Variants in RADIL observed in about 807,000 individuals in gnomAD.
RADIL encodes ras-associating and dilute domain-containing protein.
In RADIL, 99 loss-of-function variants were observed where a neutral mutation model predicts 97.6. The observed-to-expected ratio is 1.01, with a 90% CI of 0.86 to 1.20. The LOEUF is 1.20. Ranked by LOEUF, RADIL falls within the 50% of genes most tolerant of loss-of-function variation. The probability of loss-of-function intolerance (pLI) is 0.00; values close to 1 mark genes in which losing one functional copy is unlikely to be tolerated. For missense variants in RADIL, 1,765 were observed against 1,498.9 expected (o/e 1.18, Z -2.93); for synonymous variants, 803 against 691.8 (o/e 1.16, Z -2.52).
chr7:4,838,050 G>A, intron 2 of RADIL: 1 of 985,476 alleles, frequency 1.0e-6, no homozygotes, highest in Non-Finnish European at 1.2e-6. Flanking sequence ...CCGGCAGCCT[G>A]TGCATCTGCA....
intron 2 of RADIL, among the ~76,000 whole-genome samples, chr7:4,874,877 G>A (rs1420932260): frequency 2.6e-5 from 4 of 152,072 alleles, no homozygotes; most frequent in African/African-American, 9.7e-5. Flanking sequence ...GGCCAACATG[G>A]TGAAACCCCA....
chr7:4,874,097 CA>C (rs1158654907), intron 2 of RADIL, among the ~76,000 whole-genome samples: 2 of 152,232 alleles, frequency 1.3e-5, no homozygotes, highest in Non-Finnish European at 2.9e-5. Flanking sequence ...AGAGACCTCT[CA>C]GAGGCGGGTT....
intron 9 of RADIL, chr7:4,806,049 G>A: frequency 1.0e-6 from 1 of 985,474 alleles, no homozygotes; most frequent in Non-Finnish European, 1.2e-6. Context: ...TCAGATTCCT[G>A]CCTCCAACGG....
rs1314554620 is a variant in RADIL at position 4,883,014 on chromosome 7, G to A, written c.-65+582C>T. Reference sequence around the variant, plus strand: ...CGGCTCAGCATCTGTTATCTTGGATGCAGTATTTGTCGAGGGGCTGGAAAT... The same window carrying A: ...CGGCTCAGCATCTGTTATCTTGGATACAGTATTTGTCGAGGGGCTGGAAAT... On this transcript the variant is annotated intron_variant, in intron 1 of 14. Transcript: ENST00000399583. The surrounding 1 kb of genome is among the most constrained non-coding windows in gnomAD (Gnocchi z 7.1). Among the ~76,000 whole-genome samples, 4 of 152,350 alleles carry A rather than the reference G, an allele frequency of 2.6e-5. No homozygotes were observed. The East Asian group carries it at 5.8e-4, about 22-fold the overall frequency.
intron 5 of RADIL, among the ~76,000 whole-genome samples, chr7:4,825,770 G>A (rs549097171): frequency 2.6e-5 from 4 of 151,890 alleles, no homozygotes; most frequent in Admixed American, 1.3e-4. Flanking sequence ...CAGCTACTCA[G>A]GAGGCTGAGG....
At chr7:4,806,298 C>T (rs1259579537) in intron 9 of RADIL, among the ~76,000 whole-genome samples, 1 of 152,110 alleles carries the variant, frequency 6.6e-6, no homozygotes, top group Non-Finnish European at 1.5e-5. Context: ...CACAGGCTTG[C>T]ACCATTATGT....
At chr7:4,802,616 G>C (rs1305589826) in intron 11 of RADIL, among the ~76,000 whole-genome samples, 5 of 129,580 alleles carry the variant, frequency 3.9e-5, no homozygotes, top group African/African-American at 1.4e-4. Flanking sequence ...GTACCTCGGG[G>C]CATGCTGGCT....
chr7:4,861,871 C>T (rs1206057971), intron 2 of RADIL: 1 of 1,214,398 alleles, frequency 8.2e-7, no homozygotes, highest in East Asian at 2.7e-5. Context: ...CGGCCGCCGC[C>T]CGGGTCATGA....
At chr7:4,855,492 G>A (rs1239213030) in intron 2 of RADIL, among the ~76,000 whole-genome samples, 2 of 151,988 alleles carry the variant, frequency 1.3e-5, no homozygotes, top group African/African-American at 4.8e-5. Context: ...AACTGTGCTA[G>A]ATAAGACCAA....
chr7:4,861,031 A>G, intron 2 of RADIL: 1 of 1,614,236 alleles, frequency 6.2e-7, no homozygotes, highest in Non-Finnish European at 8.5e-7. Context: ...CATTTGGATA[A>G]AGCTGACAAG....
chr7:4,804,567 G>A (rs1461594152), intron 10 of RADIL, among the ~76,000 whole-genome samples: 2 of 151,990 alleles, frequency 1.3e-5, no homozygotes, highest in African/African-American at 4.8e-5. Flanking sequence ...CAGGCAGATC[G>A]CCTGAGGTCA....
chr7:4,805,449 C>T, intron 10 of RADIL, 117 bp downstream of exon 10: 1 of 1,327,568 alleles, frequency 7.5e-7, no homozygotes, highest in Non-Finnish European at 1.0e-6. Flanking sequence ...AGGGAGGTCC[C>T]CAGGAGAGAG....
chr7:4,825,840 C>T (rs1169804194), intron 5 of RADIL, among the ~76,000 whole-genome samples: 1 of 144,118 alleles, frequency 6.9e-6, no homozygotes, highest in African/African-American at 2.7e-5. Context: ...CAAGATTGTG[C>T]CACTGTACTC....
chr7:4,829,187 C>T (rs1189607185), intron 5 of RADIL, among the ~76,000 whole-genome samples: 1 of 152,226 alleles, frequency 6.6e-6, no homozygotes. Flanking sequence ...CACCTCCTTG[C>T]CGTGGGTCAG....
rs199530978 is a variant in RADIL at position 4,861,125 on chromosome 7, T to C, written c.535+16480A>G. ...GATATTGTGGCACTTGGCCCACAGT[T>C]TGATGGCTCTCAGAGTCAGCCTGAA... On this transcript the variant is annotated intron_variant, in intron 2 of 14. Coordinates refer to ENST00000399583, the MANE Select transcript of RADIL (RefSeq NM_018059.5). 265 of 1,614,232 alleles carry C rather than the reference T, an allele frequency of 1.6e-4. No individual in the cohort carries two copies. The highest frequency in any genetic ancestry group is 2.8e-4 in the Admixed American group (17 of 60,026).
chr7:4,819,470 C>T lies in RADIL; in HGVS notation c.1616-2119G>A, dbSNP rs1460430450. On this transcript the variant is annotated intron_variant, in intron 6 of 14. Coordinates refer to ENST00000399583, the MANE Select transcript of RADIL (RefSeq NM_018059.5). The surrounding 1 kb of genome is among the most constrained non-coding windows in gnomAD (Gnocchi z 5.8). ...CCCACGAGCCATTAAGAGGACACAC[C>T]AGCCGGCTGCCCCTGCCCTGCCCCG... Among the ~76,000 whole-genome samples the T allele has an allele frequency of 6.6e-6, 1 of 152,092 alleles. No individual in the cohort carries two copies. Among genetic ancestry groups the T allele is most frequent in the Non-Finnish European group, 1.5e-5 (1 of 68,018 alleles).
intron 2 of RADIL, among the ~76,000 whole-genome samples, chr7:4,843,219 T>C (rs1048623286): frequency 2.6e-5 from 4 of 151,814 alleles, no homozygotes; most frequent in African/African-American, 9.7e-5. Flanking sequence ...TTCGCCATGT[T>C]GGCCAGGATG....
intron 2 of RADIL, chr7:4,861,811 C>G: frequency 1.4e-6 from 2 of 1,440,106 alleles, no homozygotes; most frequent in Non-Finnish European, 1.8e-6. Context: ...ACGGCATCAT[C>G]TTTCAGCGCC....
Position 4,837,482 on chromosome 7 carries a change from A to G in RADIL, c.536-877T>C, listed in dbSNP as rs1313489534. 6.6e-6 allele frequency among the ~76,000 whole-genome samples: 1 copy of G among 152,218 alleles called. No homozygotes were observed. Among genetic ancestry groups the G allele is most frequent in the Non-Finnish European group, 1.5e-5 (1 of 68,034 alleles). ...GGGCTGCCGATGGCCTGCTCCTGCA[A>G]CAGCATCGCTGCCTCCTTCCCAAGG... On this transcript the variant is annotated intron_variant, in intron 2 of 14. Transcript: ENST00000399583. The surrounding 1 kb of genome is among the most constrained non-coding windows in gnomAD (Gnocchi z 5.6).
Sources: gnomAD v4.1 joint callset for allele counts (sites outside exome capture counted in the v4.1 genomes callset) on GRCh38, gnomAD v4.1.1 for gene constraint, Gnocchi (gnomAD v3.1) non-coding constraint, MANE v1.5 for transcripts, NCBI Gene and HGNC (gene_info 2026-07-23, HGNC 2026-07-21) for gene names.